The following CREB3L2 variants were observed in gnomAD, a reference collection of about 807,000 sequenced individuals.
CREB3L2 encodes cAMP responsive element binding protein 3 like 2, also known as cyclic AMP-responsive element-binding protein 3-like protein 2.
A neutral mutation model predicts 57.2 loss-of-function variants in CREB3L2; 23 were observed. The ratio of observed to expected loss-of-function variants is 0.40; its 90% CI spans 0.29 to 0.57. CREB3L2 has a LOEUF of 0.57. CREB3L2 is among the 20% of genes least tolerant of loss of function. The probability of loss-of-function intolerance (pLI) is 0.42; values close to 1 mark genes in which losing one functional copy is unlikely to be tolerated. For synonymous variants in CREB3L2, 268 were observed against 265.1 expected, an observed-to-expected ratio of 1.01 and a Z score of -0.11; for missense variants, 628 against 634.7, an observed-to-expected ratio of 0.99 and a Z score of 0.11.
At chr7:137,957,257 C>CT (rs1438348352) in intron 1 of CREB3L2, among the ~76,000 whole-genome samples, 2 of 152,224 alleles carry the variant, frequency 1.3e-5, no homozygotes, top group African/African-American at 4.8e-5. Flanking sequence ...AATCATGTCA[C>CT]TAGGCACCCA....
intron 1 of CREB3L2, among the ~76,000 whole-genome samples, chr7:137,976,133 T>A (rs2117308014): frequency 6.6e-6 from 1 of 152,388 alleles, no homozygotes; most frequent in Middle Eastern, 3.4e-3. Flanking sequence ...ATTAGCCAAG[T>A]ATTGGGTTCA....
chr7:137,903,282 A>G (rs1033490599), intron 7 of CREB3L2, among the ~76,000 whole-genome samples: 1 of 152,278 alleles, frequency 6.6e-6, no homozygotes, highest in East Asian at 1.9e-4. Context: ...GCCAGGAACC[A>G]CCAGCCACTC....
chr7:137,954,145 C>T (rs1378330129), intron 1 of CREB3L2, among the ~76,000 whole-genome samples: 1 of 152,070 alleles, frequency 6.6e-6, no homozygotes, highest in African/African-American at 2.4e-5. Context: ...ACAGGTTGTA[C>T]CTGTCCTGTC....
At chr7:137,944,503 C>T (rs13228781) in intron 1 of CREB3L2, among the ~76,000 whole-genome samples, 13,799 of 152,218 alleles carry the variant, frequency 0.091, 915 homozygotes, top group Admixed American at 0.22. Context: ...AGCACTGAAT[C>T]AATGAACATT....
chr7:137,920,519 A>G (rs1408897373), intron 2 of CREB3L2, among the ~76,000 whole-genome samples: 1 of 152,196 alleles, frequency 6.6e-6, no homozygotes, highest in Non-Finnish European at 1.5e-5. Flanking sequence ...ATAATAAATG[A>G]CTGAGTGACT....
At chr7:137,901,293 T>G in intron 8 of CREB3L2, 61 bp downstream of exon 8, 1 of 1,088,194 alleles carries the variant, frequency 9.2e-7, no homozygotes, top group Non-Finnish European at 1.4e-6. Context: ...CTGGATTCTA[T>G]CCTCTTCCTT....
chr7:137,970,300 A>G (rs1020127446), intron 1 of CREB3L2, among the ~76,000 whole-genome samples: 2 of 152,250 alleles, frequency 1.3e-5, no homozygotes, highest in African/African-American at 4.8e-5. Flanking sequence ...AGAATTCCAA[A>G]GAATAAGCTG....
intron 8 of CREB3L2, among the ~76,000 whole-genome samples, chr7:137,892,635 G>A (rs1563241410): frequency 6.6e-6 from 1 of 152,070 alleles, no homozygotes. Context: ...GGGTGACAGA[G>A]CAAGACTCCA....
intron 8 of CREB3L2, among the ~76,000 whole-genome samples, chr7:137,887,901 G>T (rs1799457573): frequency 6.6e-6 from 1 of 152,102 alleles, no homozygotes; most frequent in Non-Finnish European, 1.5e-5. Context: ...AAGTATGATT[G>T]AATGTAGTTT....
chr7:138,001,773 C>A lies in CREB3L2; in HGVS notation c.-68G>T. The A allele has an allele frequency of 1.7e-6, 2 of 1,164,824 alleles. No homozygotes were observed. Among genetic ancestry groups the A allele is most frequent in the Admixed American group, 2.9e-5 (1 of 34,856 alleles). The allele number at this position is 1,164,824 out of a possible 1,614,324, so 72.2% of individuals were successfully genotyped here. On this transcript the variant is annotated 5_prime_UTR_variant, in exon 1 of 12. Transcript: ENST00000330387. The surrounding 1 kb of genome is among the most constrained non-coding windows in gnomAD (Gnocchi z 4.2). Reference sequence around the variant, plus strand: ...GGGGACGCGCAGAGCTGCCTCGGACCGGCAAGGTTCCTCTCTCTCCGCGTG... The same window carrying A: ...GGGGACGCGCAGAGCTGCCTCGGACAGGCAAGGTTCCTCTCTCTCCGCGTG...
intron 1 of CREB3L2, among the ~76,000 whole-genome samples, chr7:137,982,572 TA>T (rs1224014188): frequency 6.6e-6 from 1 of 152,352 alleles, no homozygotes; most frequent in East Asian, 1.9e-4. Flanking sequence ...GATGGTTTTA[TA>T]AAGAGAAGTT....
chr7:137,884,406 C>A (rs1402769318), intron 10 of CREB3L2: 1 of 155,622 alleles, frequency 6.4e-6, no homozygotes, highest in African/African-American at 2.4e-5. Flanking sequence ...GCCACCACGC[C>A]CGGCTAATTT....
intron 1 of CREB3L2, among the ~76,000 whole-genome samples, chr7:137,952,081 T>C (rs1438088267): frequency 6.6e-6 from 1 of 152,218 alleles, no homozygotes; most frequent in Non-Finnish European, 1.5e-5. Context: ...GGTAATATGT[T>C]ATTTTCGTAA....
chr7:137,915,668 A>C (rs1800111855), intron 3 of CREB3L2, among the ~76,000 whole-genome samples, 169 bp downstream of exon 3: 1 of 152,224 alleles, frequency 6.6e-6, no homozygotes, highest in Admixed American at 6.6e-5. Context: ...GCACCAAATC[A>C]ACATACCCTT....
chr7:137,919,543 T>G (rs1800224330), intron 2 of CREB3L2, among the ~76,000 whole-genome samples: 2 of 152,222 alleles, frequency 1.3e-5, no homozygotes, highest in South Asian at 4.1e-4. Context: ...AACCCAGATC[T>G]CTGCACTCTG....
At chr7:137,994,810 G>A (rs991768982) in intron 1 of CREB3L2, among the ~76,000 whole-genome samples, 5 of 152,148 alleles carry the variant, frequency 3.3e-5, no homozygotes, top group Admixed American at 6.6e-5. Flanking sequence ...AGAACTCTGC[G>A]AGTGGCACAG....
chr7:137,966,178 G>A (rs1006488459), intron 1 of CREB3L2, among the ~76,000 whole-genome samples: 1 of 152,170 alleles, frequency 6.6e-6, no homozygotes, highest in Non-Finnish European at 1.5e-5. Flanking sequence ...GCAAACATGT[G>A]AAAAGTTATG....
At chr7:137,967,264 T>C (rs1430715296) in intron 1 of CREB3L2, among the ~76,000 whole-genome samples, 3 of 152,194 alleles carry the variant, frequency 2.0e-5, no homozygotes, top group East Asian at 3.9e-4. Flanking sequence ...ACCCAGTCTA[T>C]GGTACTTTGT....
chr7:137,929,905 AT>A (rs941697728), intron 1 of CREB3L2, among the ~76,000 whole-genome samples: 28 of 146,414 alleles, frequency 1.9e-4, no homozygotes, highest in Non-Finnish European at 2.7e-4. Context: ...AATTAAAATA[AT>A]TTTTTTTTTG....
Sources: gnomAD v4.1 joint callset for allele counts (sites outside exome capture counted in the v4.1 genomes callset) on GRCh38, gnomAD v4.1.1 for gene constraint, Gnocchi (gnomAD v3.1) non-coding constraint, MANE v1.5 for transcripts, NCBI Gene and HGNC (gene_info 2026-07-23, HGNC 2026-07-21) for gene names.